Variants in LRP1B observed in about 807,000 individuals in gnomAD.
The protein encoded by LRP1B is LDL receptor related protein 1B.
LRP1B carries 217 observed loss-of-function variants against 556.6 expected under a neutral mutation model. That is an observed-to-expected ratio of 0.39 (90% confidence interval 0.35 to 0.44). The LOEUF (loss-of-function observed/expected upper bound fraction) is 0.44. LRP1B is among the 20% of genes least tolerant of loss of function. The pLI is 1.00. For missense variants in LRP1B, 5,053 were observed against 5,620.8 expected (o/e 0.90, Z 3.23); for synonymous variants, 2,047 against 1,865.8 (o/e 1.10, Z -2.50).
intron 2 of LRP1B, among the ~76,000 whole-genome samples, chr2:141,584,157 A>T (rs908731195): frequency 2.0e-5 from 3 of 151,920 alleles, no homozygotes; most frequent in Non-Finnish European, 2.9e-5. Context: ...AGGAGGGAGG[A>T]TCACTGGAGC....
At chr2:141,764,802 TCA>T (rs1246644777) in intron 2 of LRP1B, among the ~76,000 whole-genome samples, 1 of 152,124 alleles carries the variant, frequency 6.6e-6, no homozygotes, top group Non-Finnish European at 1.5e-5. Flanking sequence ...GAAAAAAAAT[TCA>T]CACACAAAAT....
chr2:140,270,940 T>TA (rs570682621), intron 85 of LRP1B, among the ~76,000 whole-genome samples: 106 of 151,962 alleles, frequency 7.0e-4, no homozygotes, highest in African/African-American at 2.3e-3. Context: ...GAGTAGTTCA[T>TA]AAAAAAACAG....
chr2:141,403,574 A>C (rs1407040530), intron 3 of LRP1B, among the ~76,000 whole-genome samples: 3 of 152,156 alleles, frequency 2.0e-5, no homozygotes, highest in Non-Finnish European at 4.4e-5. Flanking sequence ...ACAATTGCTT[A>C]ATGGTTCATG....
intron 2 of LRP1B, among the ~76,000 whole-genome samples, chr2:141,641,961 A>G (rs1031892708): frequency 6.6e-6 from 1 of 152,120 alleles, no homozygotes; most frequent in Admixed American, 6.5e-5. Context: ...GGTCAGCAAT[A>G]TTTGTTGATA....
At chr2:141,089,387 C>A (rs1700122245) in intron 7 of LRP1B, among the ~76,000 whole-genome samples, 1 of 152,126 alleles carries the variant, frequency 6.6e-6, no homozygotes, top group Admixed American at 6.5e-5. Flanking sequence ...CAGATATATT[C>A]TTTTGTTATC....
chr2:140,840,879 A>T, intron 30 of LRP1B, 39 bp downstream of exon 30: 1 of 1,411,014 alleles, frequency 7.1e-7, no homozygotes, highest in South Asian at 1.4e-5. Context: ...AAAGTCTATG[A>T]AATTTTGGAA....
In LRP1B at chr2:140,950,330, G is replaced by C. The variant is rs2105299976; in HGVS notation, c.3041C>G (p.Ser1014Cys). The change falls in exon 20 of 91, where the codon TCC (serine) becomes TGC (cysteine). Residue 1014 changes from serine to cysteine, a missense_variant. Physicochemically the swap from Ser to Cys is moderately radical, Grantham distance 112 (BLOSUM62 -1). Around this residue, in one of 5 missense-constraint regions of LRP1B, gnomAD observed 3,619 missense variants for 3,931.9 expected, o/e 0.92. Transcript: ENST00000389484. ...HSCFDNQFRCSSGRCIPGHWA... is the reference protein window; with the variant it reads ...HSCFDNQFRCCSGRCIPGHWA... ...GTGGCCTGGGATGCATCTGCCACTG[G>C]AACATCTGAACTGATTATCAAAGCA... 6.2e-7 allele frequency: 1 copy of C among 1,612,770 alleles called. No homozygotes were observed. Among genetic ancestry groups the C allele is most frequent in the Non-Finnish European group, 8.5e-7 (1 of 1,179,410 alleles).
At chr2:141,790,875 A>C (rs1008891273) in intron 2 of LRP1B, among the ~76,000 whole-genome samples, 1 of 152,004 alleles carries the variant, frequency 6.6e-6, no homozygotes, top group Admixed American at 6.6e-5. Context: ...TTTGTTGTAT[A>C]GAAATACAAT....
chr2:141,219,958 C>T (rs1349594005), intron 6 of LRP1B, among the ~76,000 whole-genome samples: 2 of 151,950 alleles, frequency 1.3e-5, no homozygotes, highest in East Asian at 3.9e-4. Flanking sequence ...GTAGAAAAAC[C>T]CACCAAGATG....
chr2:140,746,641 G>A (rs538024196), intron 35 of LRP1B, among the ~76,000 whole-genome samples: 2 of 152,024 alleles, frequency 1.3e-5, no homozygotes, highest in Non-Finnish European at 2.9e-5. Flanking sequence ...GCAAATGCAC[G>A]CAGGAGAGCC....
At chr2:141,835,346 C>T (rs904068953) in intron 1 of LRP1B, among the ~76,000 whole-genome samples, 2 of 151,818 alleles carry the variant, frequency 1.3e-5, no homozygotes, top group Admixed American at 6.6e-5. Flanking sequence ...TCATCTAGCC[C>T]GAATCAGTTC....
chr2:141,167,509 G>A (rs910303903), intron 7 of LRP1B, among the ~76,000 whole-genome samples: 3 of 151,380 alleles, frequency 2.0e-5, no homozygotes, highest in South Asian at 4.2e-4. Context: ...TTCCAGGCGT[G>A]GTATTAAAGT....
chr2:140,299,843 T>A (rs1023741582), intron 83 of LRP1B, among the ~76,000 whole-genome samples: 1 of 152,018 alleles, frequency 6.6e-6, no homozygotes, highest in Non-Finnish European at 1.5e-5. Flanking sequence ...AAATAAACAG[T>A]GCGTAAAGTA....
intron 67 of LRP1B, among the ~76,000 whole-genome samples, chr2:140,381,745 C>T (rs1239774717): frequency 6.6e-6 from 1 of 151,404 alleles, no homozygotes. Context: ...ACCTGTAATC[C>T]CAGCTACTTG....
At chr2:141,156,279 G>T (rs892057933) in intron 7 of LRP1B, among the ~76,000 whole-genome samples, 1 of 152,102 alleles carries the variant, frequency 6.6e-6, no homozygotes, top group East Asian at 1.9e-4. Flanking sequence ...AGCACTTAGT[G>T]TGCCGATCCC....
intron 86 of LRP1B, among the ~76,000 whole-genome samples, chr2:140,262,109 A>G (rs1014012378): frequency 1.3e-5 from 2 of 152,062 alleles, no homozygotes; most frequent in Non-Finnish European, 2.9e-5. Flanking sequence ...GTACAAAAAT[A>G]TGGACTTTCA....
chr2:140,240,064 C>T (rs936065970), intron 87 of LRP1B, among the ~76,000 whole-genome samples: 3 of 150,804 alleles, frequency 2.0e-5, no homozygotes, highest in African/African-American at 7.3e-5. Flanking sequence ...TCACAACTTA[C>T]TTGAAGTGAG....
chr2:141,648,424 T>C (rs1191628876), intron 2 of LRP1B, among the ~76,000 whole-genome samples: 1 of 152,190 alleles, frequency 6.6e-6, no homozygotes, highest in Non-Finnish European at 1.5e-5. Context: ...AAGTATCATC[T>C]CTCCCATGAA....
At chr2:141,586,811 G>A (rs1235602002) in intron 2 of LRP1B, among the ~76,000 whole-genome samples, 11 of 151,896 alleles carry the variant, frequency 7.2e-5, no homozygotes, top group African/African-American at 1.9e-4. Context: ...GCATGGTGGC[G>A]GGCGCCTGTA....
Sources: allele counts gnomAD v4.1 joint callset (sites outside exome capture counted in the v4.1 genomes callset), GRCh38; gene constraint gnomAD v4.1.1; regional missense constraint gnomAD v4.1.1; transcripts MANE v1.5; gene names NCBI Gene and HGNC (gene_info 2026-07-23, HGNC 2026-07-21).